The following CSMD1 variants were observed in gnomAD, a reference collection of about 807,000 sequenced individuals.
CSMD1 encodes the protein CUB and Sushi multiple domains 1.
CSMD1 carries 213 observed loss-of-function variants against 417.5 expected under a neutral mutation model. The observed-to-expected ratio is 0.51, with a 90% CI of 0.46 to 0.57. The LOEUF is 0.57. CSMD1 is among the 20% of genes least tolerant of loss of function. The pLI, the probability that CSMD1 is intolerant of heterozygous loss-of-function variation, is 0.00. For missense variants in CSMD1, 6,923 were observed against 4,529.7 expected (o/e 1.53, Z -15.17); for synonymous variants, 2,862 against 1,736.8 (o/e 1.65, Z -16.11).
At chr8:4,565,962 C>T (rs1207253319) in intron 2 of CSMD1, among the ~76,000 whole-genome samples, 1 of 151,358 alleles carries the variant, frequency 6.6e-6, no homozygotes, top group African/African-American at 2.4e-5. Context: ...TCCTATTATT[C>T]TCAGTATAAT....
At chr8:4,018,665 G>A (rs1345949833) in intron 4 of CSMD1, among the ~76,000 whole-genome samples, 1 of 152,188 alleles carries the variant, frequency 6.6e-6, no homozygotes, top group African/African-American at 2.4e-5. Flanking sequence ...AATTCAAGTT[G>A]TAATATTTGT....
At chr8:3,278,567 A>G (rs1802485221) in intron 26 of CSMD1, 1 of 152,230 alleles carries the variant, frequency 6.6e-6, no homozygotes, top group African/African-American at 2.4e-5. Flanking sequence ...AAATTTTTAA[A>G]ATCATAACTA....
chr8:4,743,998 T>G (rs1019016389), intron 1 of CSMD1, among the ~76,000 whole-genome samples: 8 of 152,200 alleles, frequency 5.3e-5, no homozygotes, highest in African/African-American at 1.9e-4. Context: ...TGTGTTAAAG[T>G]CACGCTCTAG....
intron 32 of CSMD1, among the ~76,000 whole-genome samples, chr8:3,200,233 G>T (rs1038629664): frequency 1.9e-4 from 29 of 151,854 alleles, no homozygotes; most frequent in African/African-American, 7.0e-4. Context: ...TTCAGAAAAG[G>T]CCTTCTGAAG....
At chr8:3,655,660 T>G (rs1406605827) in intron 7 of CSMD1, among the ~76,000 whole-genome samples, 1 of 18,950 alleles carries the variant, frequency 5.3e-5, no homozygotes, top group Non-Finnish European at 1.1e-4. Context: ...GGAGGTTGCG[T>G]TTTTTTTTTT....
Position 3,091,912 on chromosome 8 carries a change from C to G in CSMD1, c.7139-250G>C, listed in dbSNP as rs188058244. Among the ~76,000 whole-genome samples the G allele has an allele frequency of 2.6e-5, 4 of 152,164 alleles. No homozygotes were observed. In the East Asian group the frequency reaches 5.8e-4, roughly 22 times the overall value. On this transcript the variant is annotated intron_variant, in intron 47 of 69. Coordinates refer to ENST00000635120, the MANE Select transcript of CSMD1 (RefSeq NM_033225.6). Reference sequence around the variant, plus strand: ...GGTGTCATATTTAAATAAGCCTTGTCTATAAAACAGCAGTACCCGAAAAAA... The same window carrying G: ...GGTGTCATATTTAAATAAGCCTTGTGTATAAAACAGCAGTACCCGAAAAAA...
chr8:3,658,089 C>G (rs1798221008), intron 7 of CSMD1, among the ~76,000 whole-genome samples: 1 of 152,126 alleles, frequency 6.6e-6, no homozygotes, highest in East Asian at 1.9e-4. Flanking sequence ...CTGATTATCA[C>G]AATGCTAGCA....
chr8:4,526,887 G>C lies in CSMD1; in HGVS notation c.303-106822C>G, dbSNP rs1245510199. 2.6e-5 allele frequency among the ~76,000 whole-genome samples: 4 copies of C among 151,996 alleles called. No individual in the cohort carries two copies. In the East Asian group the frequency reaches 7.8e-4, roughly 29 times the overall value. ...AGGATATTTAGCCATGATTCCAGAA[G>C]ACTATTGTGAATGATCAAACATGAC... On this transcript the variant is annotated intron_variant, in intron 2 of 69. Coordinates refer to ENST00000635120, the MANE Select transcript of CSMD1 (RefSeq NM_033225.6).
At chr8:3,761,540 CT>C (rs1798002149) in intron 5 of CSMD1, among the ~76,000 whole-genome samples, 1 of 138,354 alleles carries the variant, frequency 7.2e-6, no homozygotes, top group Admixed American at 7.7e-5. Flanking sequence ...GAGTTTCACC[CT>C]TTCACCCAGG....
chr8:4,570,721 C>G (rs917222251), intron 2 of CSMD1, among the ~76,000 whole-genome samples: 2 of 152,186 alleles, frequency 1.3e-5, no homozygotes, highest in African/African-American at 4.8e-5. Flanking sequence ...AGGAATGGTA[C>G]AAGCTCCTCT....
At chr8:3,842,135 TCTC>T (rs1269501191) in intron 5 of CSMD1, among the ~76,000 whole-genome samples, 2 of 152,298 alleles carry the variant, frequency 1.3e-5, no homozygotes, top group East Asian at 3.9e-4. Flanking sequence ...CCCGATCTCT[TCTC>T]CTTGTCAAAC....
intron 5 of CSMD1, among the ~76,000 whole-genome samples, chr8:3,872,464 G>C (rs903691903): frequency 6.6e-6 from 1 of 152,160 alleles, no homozygotes; most frequent in Non-Finnish European, 1.5e-5. Flanking sequence ...AAATGAAAAA[G>C]CTGTGGGACA....
chr8:4,846,352 T>C (rs147145615), intron 1 of CSMD1, among the ~76,000 whole-genome samples: 2 of 152,332 alleles, frequency 1.3e-5, no homozygotes, highest in African/African-American at 4.8e-5. Context: ...GGTTTATAGA[T>C]GGGTTTCCTT....
At chr8:3,719,528 G>C (rs1802027644) in intron 6 of CSMD1, among the ~76,000 whole-genome samples, 1 of 152,148 alleles carries the variant, frequency 6.6e-6, no homozygotes, top group East Asian at 1.9e-4. Context: ...TGAAGACTTT[G>C]GGAAAATTAA....
intron 1 of CSMD1, among the ~76,000 whole-genome samples, chr8:4,715,790 G>T (rs1022901122): frequency 1.3e-5 from 2 of 151,934 alleles, no homozygotes; most frequent in Non-Finnish European, 2.9e-5. Flanking sequence ...CCTTCAAAAC[G>T]AGCCCGTCCT....
At chr8:4,569,623 A>G (rs1304417458) in intron 2 of CSMD1, among the ~76,000 whole-genome samples, 1 of 152,082 alleles carries the variant, frequency 6.6e-6, no homozygotes, top group African/African-American at 2.4e-5. Flanking sequence ...TCTTAGCTAT[A>G]CGGGCTCTTT....
chr8:3,622,623 A>C (rs1442734964), intron 7 of CSMD1, among the ~76,000 whole-genome samples: 2 of 152,228 alleles, frequency 1.3e-5, no homozygotes, highest in Non-Finnish European at 2.9e-5. Flanking sequence ...ACAAGCCTGA[A>C]TGGATTGCAG....
intron 3 of CSMD1, among the ~76,000 whole-genome samples, chr8:4,274,406 A>C (rs1477521882): frequency 6.6e-6 from 1 of 152,154 alleles, no homozygotes; most frequent in Non-Finnish European, 1.5e-5. Context: ...CAACGTGCTC[A>C]AAATGTCTCT....
At chr8:3,422,334 A>G (rs1813547705) in intron 12 of CSMD1, among the ~76,000 whole-genome samples, 1 of 152,130 alleles carries the variant, frequency 6.6e-6, no homozygotes, top group African/African-American at 2.4e-5. Flanking sequence ...GAGTTGGAAA[A>G]AATGAGCCAG....
Sources: allele counts gnomAD v4.1 joint callset (sites outside exome capture counted in the v4.1 genomes callset), GRCh38; gene constraint gnomAD v4.1.1; transcripts MANE v1.5; gene names NCBI Gene and HGNC (gene_info 2026-07-23, HGNC 2026-07-21).